The following GABRG3 variants were observed in gnomAD, a reference collection of about 807,000 sequenced individuals.
GABRG3 encodes the protein gamma-aminobutyric acid type A receptor subunit gamma3, also known as gamma-aminobutyric acid receptor subunit gamma-3.
Under a neutral mutation model 48.8 loss-of-function variants are expected in GABRG3, and 25 were observed. The ratio of observed to expected loss-of-function variants is 0.51; its 90% confidence interval spans 0.37 to 0.72. GABRG3 has a LOEUF of 0.72. Among genes scored for constraint, GABRG3 ranks in the 30% least tolerant of loss-of-function variants. The probability of loss-of-function intolerance (pLI) is 0.00; values close to 1 mark genes in which losing one functional copy is unlikely to be tolerated. For missense variants in GABRG3, 394 were observed against 577.9 expected, an observed-to-expected ratio of 0.68 and a Z score of 3.26; for synonymous variants, 227 against 217.6, an observed-to-expected ratio of 1.04 and a Z score of -0.38.
At chr15:27,413,931 G>C in intron 5 of GABRG3, among the ~76,000 whole-genome samples, 1 of 152,092 alleles carries the variant, frequency 6.6e-6, no homozygotes, top group East Asian at 1.9e-4. Context: ...GCTCTACTAG[G>C]CATCTGTTAG....
intron 5 of GABRG3, among the ~76,000 whole-genome samples, chr15:27,375,730 G>A (rs1365897439): frequency 6.6e-6 from 1 of 152,072 alleles, no homozygotes; most frequent in African/African-American, 2.4e-5. Flanking sequence ...GGAAAGATCT[G>A]CCCCCATGAT....
intron 2 of GABRG3, among the ~76,000 whole-genome samples, chr15:26,981,894 C>T (rs1224313665): frequency 6.6e-6 from 1 of 152,180 alleles, no homozygotes; most frequent in Non-Finnish European, 1.5e-5. Context: ...TTCCAGTAGC[C>T]ATCGAATTTC....
intron 3 of GABRG3, among the ~76,000 whole-genome samples, chr15:27,031,092 A>AC (rs1555399439): frequency 2.0e-5 from 3 of 148,088 alleles, no homozygotes; most frequent in African/African-American, 2.5e-5. Flanking sequence ...ACACACATAC[A>AC]ACACATAACA....
chr15:27,529,106 T>C (rs1199617261), intron 9 of GABRG3, among the ~76,000 whole-genome samples: 1 of 152,204 alleles, frequency 6.6e-6, no homozygotes, highest in Non-Finnish European at 1.5e-5. Context: ...GCACTATGCT[T>C]GACATTATGT....
intron 5 of GABRG3, among the ~76,000 whole-genome samples, chr15:27,458,383 A>G (rs1321470031): frequency 6.6e-6 from 1 of 152,214 alleles, no homozygotes; most frequent in Non-Finnish European, 1.5e-5. Flanking sequence ...GGTGACGTGC[A>G]TGTGTCTAGC....
intron 3 of GABRG3, among the ~76,000 whole-genome samples, chr15:27,047,346 T>C (rs577453657): frequency 1.3e-5 from 2 of 152,338 alleles, no homozygotes; most frequent in East Asian, 3.9e-4. Flanking sequence ...CTGAATAAGA[T>C]GAGGCCCAGC....
At chr15:27,147,745 A>G (rs1463827691) in intron 3 of GABRG3, among the ~76,000 whole-genome samples, 1 of 152,050 alleles carries the variant, frequency 6.6e-6, no homozygotes, top group African/African-American at 2.4e-5. Flanking sequence ...ATAAGAAACC[A>G]TAAGGAAATT....
intron 3 of GABRG3, among the ~76,000 whole-genome samples, chr15:27,216,744 T>TTATTA (rs1555410287): frequency 2.6e-4 from 36 of 138,592 alleles, no homozygotes; most frequent in Admixed American, 1.5e-3. Context: ...TTTTTTTTTT[T>TTATTA]TTATTTTTTA....
At position 27,527,621 on chromosome 15, in the gene GABRG3, A is replaced by G. The variant is rs2066712; in HGVS notation, c.1054A>G (p.Thr352Ala). 26,698 of 1,605,822 alleles carry G rather than the reference A, an allele frequency of 0.017. 268 individuals are homozygous for G. Among genetic ancestry groups the G allele is most frequent in the Middle Eastern group, 0.034 (207 of 6,048 alleles). Reference protein sequence around the residue: ...SCRKPTTTKKTTSLLHPDSSR... With the variant: ...SCRKPTTTKKATSLLHPDSSR... ...TAGAAAACCAACCACCACGAAGAAG[A>G]CAACATCGGTGAGCTGCAGTAGCAA... The change falls in exon 8 of 10, where the codon ACA becomes GCA. Residue 352 changes from threonine to alanine, a missense_variant. Physicochemically the swap from Thr to Ala is moderately conservative, Grantham distance 58. Coordinates refer to ENST00000615808, the MANE Select transcript of GABRG3 (RefSeq NM_033223.5).
At chr15:27,092,504 C>T (rs577865760) in intron 3 of GABRG3, among the ~76,000 whole-genome samples, 4 of 152,284 alleles carry the variant, frequency 2.6e-5, no homozygotes, top group African/African-American at 7.2e-5. Context: ...TGTAAGGACC[C>T]GCAGCACTCA....
chr15:27,140,239 C>T lies in GABRG3; in HGVS notation c.270+113418C>T, dbSNP rs561326007. Among the ~76,000 whole-genome samples, 8 of 152,162 alleles carry T rather than the reference C, an allele frequency of 5.3e-5. No homozygotes were observed. The South Asian group carries it at 8.3e-4, about 16-fold the overall frequency. ...CTGGACTTGTGACTGGTGGCAAGTG[C>T]GGGGCAGTCTTGGAGACTGAGCCCT... On this transcript the variant is annotated intron_variant, in intron 3 of 9. Coordinates refer to ENST00000615808, the MANE Select transcript of GABRG3 (RefSeq NM_033223.5).
chr15:27,504,735 T>C (rs1436289422), intron 6 of GABRG3, among the ~76,000 whole-genome samples: 1 of 152,024 alleles, frequency 6.6e-6, no homozygotes, highest in Non-Finnish European at 1.5e-5. Context: ...AAAGATTTCC[T>C]CTAACATTTA....
intron 3 of GABRG3, among the ~76,000 whole-genome samples, chr15:27,170,888 G>A (rs552591137): frequency 5.9e-5 from 9 of 152,244 alleles, no homozygotes; most frequent in South Asian, 2.1e-4. Context: ...TTATTTATGC[G>A]TCCCCAAATA....
chr15:27,199,872 T>TC (rs1332322487), intron 3 of GABRG3, among the ~76,000 whole-genome samples: 2 of 152,074 alleles, frequency 1.3e-5, no homozygotes, highest in Non-Finnish European at 2.9e-5. Flanking sequence ...TCTTTTTTTT[T>TC]CTTTCTTCCT....
At chr15:27,391,246 G>C (rs140280441) in intron 5 of GABRG3, among the ~76,000 whole-genome samples, 1 of 152,082 alleles carries the variant, frequency 6.6e-6, no homozygotes, top group African/African-American at 2.4e-5. Flanking sequence ...CACTTGTAAA[G>C]CAATATGCTG....
chr15:27,077,680 C>T (rs1437256709), intron 3 of GABRG3, among the ~76,000 whole-genome samples: 1 of 152,128 alleles, frequency 6.6e-6, no homozygotes, highest in East Asian at 1.9e-4. Context: ...TGGAAGCAAC[C>T]ATTTTCTGAG....
chr15:27,226,209 AG>A (rs1889609928), intron 3 of GABRG3, among the ~76,000 whole-genome samples: 1 of 152,128 alleles, frequency 6.6e-6, no homozygotes, highest in East Asian at 1.9e-4. Context: ...ATGGATGCAC[AG>A]GCACCCTGGT....
chr15:27,303,574 C>A (rs1277448757), intron 3 of GABRG3, among the ~76,000 whole-genome samples: 1 of 151,622 alleles, frequency 6.6e-6, no homozygotes, highest in South Asian at 2.1e-4. Context: ...TCCATAGAAC[C>A]TTTTCTAGAA....
intron 3 of GABRG3, among the ~76,000 whole-genome samples, chr15:27,233,690 A>G (rs1352564086): frequency 6.6e-6 from 1 of 152,192 alleles, no homozygotes; most frequent in Non-Finnish European, 1.5e-5. Flanking sequence ...GGACACGAAC[A>G]TTTAGTAGAT....
Sources: gnomAD v4.1 joint callset for allele counts (sites outside exome capture counted in the v4.1 genomes callset) on GRCh38, gnomAD v4.1.1 for gene constraint, MANE v1.5 for transcripts, NCBI Gene and HGNC (gene_info 2026-07-23, HGNC 2026-07-21) for gene names.